INPP4B: variants seen among roughly 807,000 people sequenced by gnomAD.
INPP4B encodes the protein inositol polyphosphate 4-phosphatase type II.
In INPP4B, 55 loss-of-function variants were observed where a neutral mutation model predicts 122.5. The observed-to-expected ratio is 0.45, with a 90% CI of 0.36 to 0.56. INPP4B has a LOEUF of 0.56. Among genes scored for constraint, INPP4B ranks in the 20% least tolerant of loss-of-function variants. INPP4B has a pLI of 0.00. For synonymous variants in INPP4B, 403 were observed against 388.7 expected (o/e 1.04, Z -0.43); for missense variants, 1,000 against 1,097.7 (o/e 0.91, Z 1.26).
intron 25 of INPP4B, among the ~76,000 whole-genome samples, chr4:142,067,865 T>G (rs976354481): frequency 6.6e-6 from 1 of 152,200 alleles, no homozygotes; most frequent in Non-Finnish European, 1.5e-5. Flanking sequence ...TTGGTGTACC[T>G]GAAAGTGACA....
chr4:142,314,224 A>C (rs1766624379), intron 8 of INPP4B, among the ~76,000 whole-genome samples: 1 of 152,230 alleles, frequency 6.6e-6, no homozygotes, highest in Admixed American at 6.5e-5. Flanking sequence ...TAGAGAGGCA[A>C]TAGTTCAGTG....
chr4:142,181,872 A>C (rs1477063216), intron 15 of INPP4B, among the ~76,000 whole-genome samples: 1 of 152,152 alleles, frequency 6.6e-6, no homozygotes, highest in Non-Finnish European at 1.5e-5. Flanking sequence ...ATAGTAATTG[A>C]CTCTGAGTGC....
chr4:142,778,157 C>T lies in INPP4B; in HGVS notation c.-253-52256G>A, dbSNP rs143919427. ...AAACAACATGCTGTAAGCTTCAGTA[C>T]GGAGAATTGTGAAATTTAAAACAGA... On this transcript the variant is annotated intron_variant, in intron 1 of 25. Coordinates refer to ENST00000262992, the MANE Select transcript of INPP4B (RefSeq NM_001101669.3). Among the ~76,000 whole-genome samples the T allele has an allele frequency of 3.9e-3, 591 of 152,240 alleles. 5 individuals carry two copies. The highest frequency in any genetic ancestry group is 4.2e-3 in the Non-Finnish European group (285 of 68,008).
chr4:142,406,905 G>A (rs187709154), intron 5 of INPP4B, among the ~76,000 whole-genome samples: 1 of 152,122 alleles, frequency 6.6e-6, no homozygotes, highest in Admixed American at 6.5e-5. Context: ...AGAATTCTCT[G>A]GTAGCTTACA....
Position 142,347,832 on chromosome 4 carries a change from C to A in INPP4B, c.373-33070G>T, listed in dbSNP as rs867845391. On this transcript the variant is annotated intron_variant, in intron 7 of 25. Coordinates refer to ENST00000262992, the MANE Select transcript of INPP4B (RefSeq NM_001101669.3). ...GTGGTTCAGAGAAGGGAGACAAATT[C>A]TCATAAAAATGTTGAAATGGGTCAA... Among the ~76,000 whole-genome samples, 7 of 151,920 alleles carry A rather than the reference C, an allele frequency of 4.6e-5. No individual in the cohort carries two copies. In the South Asian group the frequency reaches 1.5e-3, roughly 32 times the overall value.
chr4:142,692,718 T>C (rs1385165987), intron 2 of INPP4B, among the ~76,000 whole-genome samples: 1 of 152,166 alleles, frequency 6.6e-6, no homozygotes, highest in East Asian at 1.9e-4. Context: ...GGAGTTACGG[T>C]TCTGCCCTTT....
intron 2 of INPP4B, among the ~76,000 whole-genome samples, chr4:142,675,292 A>G (rs567172394): frequency 6.6e-6 from 1 of 152,298 alleles, no homozygotes; most frequent in African/African-American, 2.4e-5. Context: ...TCCCAAGTAT[A>G]AACTAGGAAG....
intron 7 of INPP4B, chr4:142,347,485 A>G: frequency 2.3e-6 from 1 of 437,966 alleles, no homozygotes; most frequent in South Asian, 1.6e-5. Flanking sequence ...GAAGAAGCCA[A>G]GTCAATACTG....
rs903708014 is a variant in INPP4B at position 142,112,672 on chromosome 4, C to T, written c.2146G>A (p.Val716Met). ...CTGGCTGGAAGCTTGACCTCTACCA[C>T]GTAATGTTCTCTAAAGAAGGCAGAG... Reference protein sequence around the residue: ...PVITGRREHYVVEVKLPARMF... With the variant: ...PVITGRREHYMVEVKLPARMF... The change falls in exon 22 of 26, where the codon GTG becomes ATG. Residue 716 changes from valine to methionine, a missense_variant. Physicochemically the swap from Val to Met is conservative, Grantham distance 21. Coordinates refer to ENST00000262992, the MANE Select transcript of INPP4B (RefSeq NM_001101669.3). 1.9e-5 allele frequency: 31 copies of T among 1,609,730 alleles called. No homozygotes were observed. Among genetic ancestry groups the T allele is most frequent in the Middle Eastern group, 1.6e-4 (1 of 6,062 alleles).
intron 2 of INPP4B, among the ~76,000 whole-genome samples, chr4:142,517,735 C>T (rs951102111): frequency 6.6e-6 from 1 of 152,098 alleles, no homozygotes; most frequent in South Asian, 2.1e-4. Context: ...GATGTAAGAA[C>T]AATACCCTGA....
chr4:142,432,154 C>T (rs893672838), intron 3 of INPP4B, among the ~76,000 whole-genome samples: 1 of 151,904 alleles, frequency 6.6e-6, no homozygotes, highest in Non-Finnish European at 1.5e-5. Flanking sequence ...ATATATATGA[C>T]CAAGAATAAA....
chr4:142,724,519 T>C (rs980887360), intron 2 of INPP4B, among the ~76,000 whole-genome samples: 1 of 152,172 alleles, frequency 6.6e-6, no homozygotes, highest in African/African-American at 2.4e-5. Flanking sequence ...ACATATTGTC[T>C]AGGAATTTGT....
At chr4:142,117,755 A>G in intron 21 of INPP4B, among the ~76,000 whole-genome samples, 1 of 151,924 alleles carries the variant, frequency 6.6e-6, no homozygotes, top group Non-Finnish European at 1.5e-5. Flanking sequence ...CTCTCTCACC[A>G]CTCCTATTCA....
intron 2 of INPP4B, among the ~76,000 whole-genome samples, chr4:142,511,440 C>A (rs991805268): frequency 1.3e-5 from 2 of 152,102 alleles, no homozygotes; most frequent in African/African-American, 4.8e-5. Flanking sequence ...ATCTAGAAAT[C>A]CTCTGTAGAC....
chr4:142,401,806 G>A (rs189420008), intron 7 of INPP4B, among the ~76,000 whole-genome samples: 2 of 152,274 alleles, frequency 1.3e-5, no homozygotes, highest in Admixed American at 1.3e-4. Flanking sequence ...CTTAAGAATT[G>A]TACCAGATAG....
At chr4:142,215,802 A>T (rs1187115185) in intron 12 of INPP4B, among the ~76,000 whole-genome samples, 1 of 144,266 alleles carries the variant, frequency 6.9e-6, no homozygotes, top group East Asian at 2.3e-4. Flanking sequence ...CTGAGGCGGG[A>T]GAATGGTGTG....
intron 11 of INPP4B, among the ~76,000 whole-genome samples, chr4:142,251,336 C>T (rs1324814225): frequency 6.6e-6 from 1 of 152,068 alleles, no homozygotes; most frequent in African/African-American, 2.4e-5. Flanking sequence ...ATATCCCACT[C>T]AAATTTATTT....
At chr4:142,842,698 T>C (rs1783665649) in intron 1 of INPP4B, among the ~76,000 whole-genome samples, 1 of 131,718 alleles carries the variant, frequency 7.6e-6, no homozygotes, top group Non-Finnish European at 1.6e-5. Flanking sequence ...ATATAATATA[T>C]AATATATAAA....
intron 2 of INPP4B, among the ~76,000 whole-genome samples, chr4:142,495,340 C>T (rs1224879610): frequency 6.6e-6 from 1 of 151,956 alleles, no homozygotes; most frequent in East Asian, 1.9e-4. Context: ...TCTAGATATA[C>T]ACATATGAAA....
Sources: gnomAD v4.1 joint callset for allele counts (sites outside exome capture counted in the v4.1 genomes callset) on GRCh38, gnomAD v4.1.1 for gene constraint, MANE v1.5 for transcripts, NCBI Gene and HGNC (gene_info 2026-07-23, HGNC 2026-07-21) for gene names.